Variants in ATN1 observed in about 807,000 individuals in gnomAD.
ATN1 encodes atrophin-1.
A neutral mutation model predicts 85.8 loss-of-function variants in ATN1; 19 were observed. The observed-to-expected ratio is 0.22, with a 90% confidence interval of 0.15 to 0.32. The LOEUF (loss-of-function observed/expected upper bound fraction) is 0.32, where lower values mean the gene tolerates loss of function less well. Among genes scored for constraint, ATN1 ranks in the 10% least tolerant of loss-of-function variants. The probability of loss-of-function intolerance (pLI) is 1.00; values close to 1 mark genes in which losing one functional copy is unlikely to be tolerated. For missense variants in ATN1, 1,453 were observed against 1,564.5 expected (o/e 0.93, Z 1.20); for synonymous variants, 674 against 657.0 (o/e 1.03, Z -0.39).
rs782719271 is a variant in ATN1, at chr12:6,941,811, T to C, written c.*31T>C. The C allele has an allele frequency of 1.2e-6, 2 of 1,612,548 alleles. No homozygotes were observed. The highest frequency in any genetic ancestry group is 1.1e-5 in the South Asian group (1 of 91,050). On this transcript the variant is annotated 3_prime_UTR_variant, in exon 10 of 10. Transcript: ENST00000396684. This position sits in a 1 kb window ranked among gnomAD's most constrained non-coding sequence, Gnocchi z 5.9. ...GCGATCAAGAGAGCACCATGGCTCC[T>C]ACATTGGACCTTGGAGCACCCCCAC...
At chr12:6,926,153 G>C (rs1014809736), upstream of ATN1, among the ~76,000 whole-genome samples, 48 of 152,184 alleles carry the variant, frequency 3.2e-4, no homozygotes, top group African/African-American at 1.1e-3. Context: ...GAGAGGAAGG[G>C]TTGGGAGGAG....
In ATN1 at chr12:6,935,843, T is replaced by C. The variant is rs782798047; in HGVS notation, c.576T>C (p.Thr192=). Reference sequence around the variant, plus strand: ...AACCCCATCCTTCTGTGACACCCACTGGATATCATGCTCCCATGGAGCCCC... The same window carrying C: ...AACCCCATCCTTCTGTGACACCCACCGGATATCATGCTCCCATGGAGCCCC... ...SFEPHPSVTP[T]GYHAPMEPPT... is the part of the protein sequence containing the mutation. The change falls in exon 5 of 10, where the codon ACT becomes ACC. Residue 192 remains threonine (T), a synonymous_variant. Coordinates refer to ENST00000396684, the MANE Select transcript of ATN1 (RefSeq NM_001940.4). This position sits in a 1 kb window ranked among gnomAD's most constrained non-coding sequence, Gnocchi z 5.3. 7.4e-6 allele frequency: 12 copies of C among 1,613,724 alleles called. No individual in the cohort carries two copies. In the African/African-American group the frequency reaches 1.3e-4, roughly 18 times the overall value.
Position 6,934,090 on chromosome 12 carries a change from C to T in ATN1, c.27+62C>T. ...GGGCAGGCAAGCTAGGAGGAAGGGTCTAGAGAAGAAGAACAAATAATGTGC... is the reference window on the plus strand; with the variant it reads ...GGGCAGGCAAGCTAGGAGGAAGGGTTTAGAGAAGAAGAACAAATAATGTGC... On this transcript the variant is annotated intron_variant, in intron 2 of 9. Transcript: ENST00000396684. This position sits in a 1 kb window ranked among gnomAD's most constrained non-coding sequence, Gnocchi z 4.5. The T allele has an allele frequency of 6.2e-7, 1 of 1,612,670 alleles. No homozygotes were observed. Among genetic ancestry groups the T allele is most frequent in the Admixed American group, 1.7e-5 (1 of 59,762 alleles).
upstream of ATN1, among the ~76,000 whole-genome samples, chr12:6,927,198 T>C (rs1355327854): frequency 1.3e-5 from 2 of 151,142 alleles, no homozygotes; most frequent in African/African-American, 4.9e-5. Context: ...CTTTACTTTT[T>C]CCAGAAGCCC....
upstream of ATN1, among the ~76,000 whole-genome samples, chr12:6,924,691 C>T (rs1555142418): frequency 6.6e-6 from 1 of 152,234 alleles, no homozygotes; most frequent in African/African-American, 2.4e-5. Context: ...TGCCCCCTTT[C>T]CATTTCTGTG....
At chr12:6,933,713 G>C in intron 1 of ATN1, 127 bp from the exon 2 acceptor site, 1 of 525,478 alleles carries the variant, frequency 1.9e-6, no homozygotes, top group Non-Finnish European at 3.4e-6. Context: ...AATGTCTTGT[G>C]GTATCTGTAC....
upstream of ATN1, among the ~76,000 whole-genome samples, chr12:6,927,594 C>T (rs782026471): frequency 2.2e-4 from 33 of 151,212 alleles, no homozygotes; most frequent in South Asian, 5.9e-3. Context: ...CCCCGCGCCC[C>T]GGCCCCCTCG....
At chr12:6,925,133 T>TGC (rs1555142466), upstream of ATN1, among the ~76,000 whole-genome samples, 2 of 147,082 alleles carry the variant, frequency 1.4e-5, no homozygotes, top group African/African-American at 5.4e-5. Context: ...TGTGTGTGTG[T>TGC]GTGTGTGTGA....
chr12:6,931,031 T>A (rs899720871), intron 1 of ATN1, among the ~76,000 whole-genome samples: 11 of 152,154 alleles, frequency 7.2e-5, no homozygotes, highest in Non-Finnish European at 1.2e-4. Flanking sequence ...CTTGTTCTTT[T>A]ATGACTGCTT....
chr12:6,937,963 C>T lies in ATN1; in HGVS notation c.2413C>T (p.Arg805Cys), dbSNP rs782218471. The T allele has an allele frequency of 7.5e-5, 117 of 1,566,582 alleles. No individual in the cohort carries two copies. Among genetic ancestry groups the T allele is most frequent in the Non-Finnish European group, 9.7e-5 (112 of 1,156,810 alleles). Reference protein sequence around the residue: ...KRADLVEKVRREAEQRAREEK... With the variant: ...KRADLVEKVRCEAEQRAREEK... ...GGCCGACCTGGTGGAGAAGGTGCGG[C>T]GCGAGGCCGAGCAGCGCGCGCGCGA... The change falls in exon 6 of 10, where the codon CGC (arginine) becomes TGC (cysteine). Residue 805 changes from arginine to cysteine, a missense_variant. Physicochemically the swap from Arg to Cys is radical, Grantham distance 180. This residue lies in a region of ATN1 where 990 missense variants were observed against 914.8 expected (regional missense o/e 1.08). Transcript: ENST00000396684. This position sits in a 1 kb window ranked among gnomAD's most constrained non-coding sequence, Gnocchi z 6.0.
Position 6,937,776 on chromosome 12 carries a change from G to C in ATN1, c.2295-69G>C. ...GCGGGGGCTACAAGCACTCGCCGGGGCCGCGGCGCTGCGGGCTCCATCGGG... is the reference window on the plus strand; with the variant it reads ...GCGGGGGCTACAAGCACTCGCCGGGCCCGCGGCGCTGCGGGCTCCATCGGG... On this transcript the variant is annotated intron_variant, in intron 5 of 9. Coordinates refer to ENST00000396684, the MANE Select transcript of ATN1 (RefSeq NM_001940.4). This position sits in a 1 kb window ranked among gnomAD's most constrained non-coding sequence, Gnocchi z 6.0. The C allele has an allele frequency of 2.0e-6, 3 of 1,474,234 alleles. No individual in the cohort carries two copies. The highest frequency in any genetic ancestry group is 1.8e-6 in the Non-Finnish European group (2 of 1,114,152). 91.3% of individuals were successfully genotyped at this position (1,474,234 alleles called of 1,614,324 possible). A position where few individuals can be genotyped will look rare whatever the true frequency, so the allele number is the denominator to read the frequency against.
chr12:6,935,462 G>A lies in ATN1; in HGVS notation c.280-85G>A. 1 of 1,423,878 alleles carries A rather than the reference G, an allele frequency of 7.0e-7. No homozygotes were observed. The highest frequency in any genetic ancestry group is 9.4e-7 in the Non-Finnish European group (1 of 1,064,700). The allele number at this position is 1,423,878 out of a possible 1,614,324, so 88.2% of individuals were successfully genotyped here. A position where few individuals can be genotyped will look rare whatever the true frequency, so the allele number is the denominator to read the frequency against. On this transcript the variant is annotated intron_variant, in intron 4 of 9. Coordinates refer to ENST00000396684, the MANE Select transcript of ATN1 (RefSeq NM_001940.4). The surrounding 1 kb of genome is among the most constrained non-coding windows in gnomAD (Gnocchi z 5.3). ...TCACAGTACAACAGTGTGCTGTGAG[G>A]GGAAATGATTTTATGCAAGAGAGCC...
In ATN1 at chr12:6,939,140, G is replaced by C; in HGVS notation, c.3177G>C (p.Ser1059=). ...PHHHQHSHIH[S]HLHLHQQDAI... is the part of the protein sequence containing the mutation. ...ACCACCAGCACTCCCACATCCACTC[G>C]CACCTGCACCTGCACCAGCAAGATG... Residue 1059 remains serine (S), a synonymous_variant, in exon 7 of 10, where the codon TCG becomes TCC. Transcript: ENST00000396684. 1 of 1,599,414 alleles carries C rather than the reference G, an allele frequency of 6.3e-7. No homozygotes were observed. Among genetic ancestry groups the C allele is most frequent in the South Asian group, 1.1e-5 (1 of 91,022 alleles).
rs1555143344 is a variant in ATN1 at position 6,934,461 on chromosome 12, A to G, written c.166-4A>G. ...GACAGGAATTTTCTCTTTCTCTCTA[A>G]CAGAAGGCCCGAGTAGAGGAAGCCT... On this transcript the variant is annotated splice_polypyrimidine_tract_variant and splice_region_variant and intron_variant, in intron 3 of 9. Transcript: ENST00000396684. This position sits in a 1 kb window ranked among gnomAD's most constrained non-coding sequence, Gnocchi z 4.5. 3.1e-6 allele frequency: 5 copies of G among 1,593,926 alleles called. No homozygotes were observed. The highest frequency in any genetic ancestry group is 3.4e-6 in the Non-Finnish European group (4 of 1,169,730).
chr12:6,927,711 CCTCT>C (rs1202310858), upstream of ATN1, among the ~76,000 whole-genome samples: 1 of 151,810 alleles, frequency 6.6e-6, no homozygotes, highest in Non-Finnish European at 1.5e-5. Flanking sequence ...CCTCCTGGCC[CCTCT>C]CTCCTCCGTT....
intron 1 of ATN1, among the ~76,000 whole-genome samples, chr12:6,931,526 C>G (rs1377879982): frequency 2.1e-5 from 3 of 145,440 alleles, no homozygotes; most frequent in Non-Finnish European, 3.0e-5. Flanking sequence ...CCAGCCTGGT[C>G]AACATGGTGA....
chr12:6,925,123 T>TGC (rs1190645812), upstream of ATN1, among the ~76,000 whole-genome samples: 6 of 144,892 alleles, frequency 4.1e-5, no homozygotes, highest in African/African-American at 1.7e-4. Flanking sequence ...TGTGCGTGTG[T>TGC]GTGTGTGTGT....
At chr12:6,928,617 G>T (rs1945426568) in intron 1 of ATN1, among the ~76,000 whole-genome samples, 1 of 152,228 alleles carries the variant, frequency 6.6e-6, no homozygotes, top group East Asian at 1.9e-4. Context: ...CGGGAGGATC[G>T]GGAAGGTGGG....
At chr12:6,938,139 T>A in intron 6 of ATN1, 72 bp downstream of exon 6, 1 of 1,466,498 alleles carries the variant, frequency 6.8e-7, no homozygotes, top group Non-Finnish European at 9.0e-7. Context: ...TGCGCTGCGC[T>A]ACGCTACGCT....
Sources: gnomAD v4.1 joint callset for allele counts (sites outside exome capture counted in the v4.1 genomes callset) on GRCh38, gnomAD v4.1.1 for gene constraint, gnomAD v4.1.1 regional missense constraint, Gnocchi (gnomAD v3.1) non-coding constraint, MANE v1.5 for transcripts, NCBI Gene and HGNC (gene_info 2026-07-23, HGNC 2026-07-21) for gene names.